The following PCCB variants were observed in gnomAD, a reference collection of about 807,000 sequenced individuals.
PCCB encodes propionyl-CoA carboxylase beta chain, mitochondrial.
PCCB carries 43 observed loss-of-function variants against 60.7 expected under a neutral mutation model. The ratio of observed to expected loss-of-function variants is 0.71; its 90% CI spans 0.55 to 0.91. The LOEUF is 0.91. Among genes scored for constraint, PCCB ranks in the 40% least tolerant of loss-of-function variants. PCCB has a pLI of 0.00. For synonymous variants in PCCB, 276 were observed against 255.9 expected (o/e 1.08, Z -0.75); for missense variants, 766 against 702.8 (o/e 1.09, Z -1.02).
At chr3:136,300,469 C>T (rs376236317) in intron 8 of PCCB, among the ~76,000 whole-genome samples, 1 of 152,196 alleles carries the variant, frequency 6.6e-6, no homozygotes, top group Non-Finnish European at 1.5e-5. Flanking sequence ...TGCTGAGACA[C>T]TTGGATGCAG....
chr3:136,295,155 C>T (rs920344090), intron 7 of PCCB, among the ~76,000 whole-genome samples: 1 of 152,178 alleles, frequency 6.6e-6, no homozygotes, highest in Admixed American at 6.5e-5. Flanking sequence ...AGCAATGTAA[C>T]TAAAGACAGG....
In PCCB at chr3:136,327,312, G is replaced by T. The variant is rs1935358437; in HGVS notation, c.1299+57G>T. 6 of 1,357,056 alleles carry T rather than the reference G, an allele frequency of 4.4e-6. No homozygotes were observed. The East Asian group carries it at 1.4e-4, about 31-fold the overall frequency. The allele number at this position is 1,357,056 out of a possible 1,614,324, so 84.1% of individuals were successfully genotyped here. On this transcript the variant is annotated intron_variant, in intron 12 of 14. Transcript: ENST00000251654. ...GCTCACTTTCCTACAGCATAGCCGT[G>T]GTGGGAGGTCTGGCAGAGTTTTACC...
rs1933528283 is a variant in PCCB at position 136,288,515 on chromosome 3, T to C, written c.654+4568T>C. ...CACACACTGCCATGCCTGCCTAATT[T>C]TTTTTTTTTATTTTGGTAGAGAACT... On this transcript the variant is annotated intron_variant, in intron 6 of 14. Transcript: ENST00000251654. Among the ~76,000 whole-genome samples the C allele has an allele frequency of 2.0e-5, 3 of 151,692 alleles. No homozygotes were observed. In the South Asian group the frequency reaches 6.2e-4, roughly 32 times the overall value.
At chr3:136,263,271 T>TTTA (rs1186429652) in intron 5 of PCCB, among the ~76,000 whole-genome samples, 16 of 145,868 alleles carry the variant, frequency 1.1e-4, no homozygotes, top group South Asian at 2.2e-4. Context: ...TTTTTTTTTT[T>TTTA]AATATTTATT....
At chr3:136,260,126 T>A (rs1415445221) in intron 3 of PCCB, 1 of 390,546 alleles carries the variant, frequency 2.6e-6, no homozygotes, top group Non-Finnish European at 4.8e-6. Context: ...TAGGCTGGAA[T>A]ACAGTGGTGC....
At chr3:136,300,025 C>T (rs943449941) in intron 8 of PCCB, among the ~76,000 whole-genome samples, 3 of 151,762 alleles carry the variant, frequency 2.0e-5, no homozygotes, top group Non-Finnish European at 2.9e-5. Flanking sequence ...TGTGTACACG[C>T]CCACACATGC....
intron 5 of PCCB, among the ~76,000 whole-genome samples, chr3:136,275,393 CT>C (rs1942311360): frequency 6.6e-6 from 1 of 151,686 alleles, no homozygotes; most frequent in Non-Finnish European, 1.5e-5. Flanking sequence ...CCTTGAGTAG[CT>C]TAATAATCAA....
chr3:136,311,063 A>G (rs554398464), intron 9 of PCCB, among the ~76,000 whole-genome samples: 1 of 152,300 alleles, frequency 6.6e-6, no homozygotes, highest in African/African-American at 2.4e-5. Flanking sequence ...TTCTGGAAAT[A>G]TTAACCAATA....
At chr3:136,268,268 T>G (rs1942090417) in intron 5 of PCCB, among the ~76,000 whole-genome samples, 1 of 151,256 alleles carries the variant, frequency 6.6e-6, no homozygotes, top group Admixed American at 6.6e-5. Flanking sequence ...CTCCCACCAT[T>G]AATTGACATA....
At chr3:136,266,657 C>CA (rs1941991384) in intron 5 of PCCB, among the ~76,000 whole-genome samples, 5 of 152,198 alleles carry the variant, frequency 3.3e-5, no homozygotes, top group African/African-American at 1.2e-4. Context: ...TTGCATTTCT[C>CA]AGATGACTAA....
At chr3:136,288,283 ACT>A (rs1252048794) in intron 6 of PCCB, among the ~76,000 whole-genome samples, 1 of 151,986 alleles carries the variant, frequency 6.6e-6, no homozygotes. Flanking sequence ...GTTTATTGAT[ACT>A]GTTTTTCTTT....
At chr3:136,255,345 A>G in intron 1 of PCCB, 1 of 200,302 alleles carries the variant, frequency 5.0e-6, no homozygotes, top group Non-Finnish European at 1.0e-5. Context: ...AAGCCCACAG[A>G]GGAGGCAGGA....
chr3:136,278,507 C>A (rs1942391690), intron 5 of PCCB, among the ~76,000 whole-genome samples: 2 of 152,114 alleles, frequency 1.3e-5, no homozygotes, highest in Admixed American at 1.3e-4. Context: ...AAAACCAAAA[C>A]CTCTCAAAGT....
intron 5 of PCCB, among the ~76,000 whole-genome samples, chr3:136,273,578 C>CTTTTTT (rs56936911): frequency 6.8e-5 from 4 of 59,202 alleles, no homozygotes; most frequent in Admixed American, 3.4e-4. Context: ...CTTTTTCTTT[C>CTTTTTT]TTTTTTTTTT....
Position 136,255,923 on chromosome 3 carries a change from T to A in PCCB, c.251T>A (p.Met84Lys), listed in dbSNP as rs756396866. The A allele has an allele frequency of 6.2e-7, 1 of 1,614,204 alleles. No individual in the cohort carries two copies. Among genetic ancestry groups the A allele is most frequent in the East Asian group, 2.2e-5 (1 of 44,888 alleles). Residue 84 changes from methionine to lysine, a missense_variant, in exon 2 of 15, where the codon ATG becomes AAG. Met to Lys is a moderately conservative substitution (Grantham distance 95). Transcript: ENST00000251654. ...LDPGSFVESDMFVEHRCADFG... is the reference protein window; with the variant it reads ...LDPGSFVESDKFVEHRCADFG... The stretch of plus-strand genomic sequence containing the variant: ...CCTGGCAGCTTTGTTGAGAGCGACA[T>A]GTTTGTGGAACACAGATGTGCAGAT...
chr3:136,293,676 C>T, intron 6 of PCCB, 80 bp from the exon 7 acceptor site: 1 of 880,832 alleles, frequency 1.1e-6, no homozygotes, highest in Non-Finnish European at 1.9e-6. Flanking sequence ...CTGCATTTGT[C>T]ATCTTGGCTG....
intron 9 of PCCB, among the ~76,000 whole-genome samples, chr3:136,314,784 G>A (rs531323799): frequency 1.3e-5 from 2 of 152,318 alleles, no homozygotes; most frequent in South Asian, 2.1e-4. Context: ...CCTAGTGGAT[G>A]AAGAACTAGA....
At chr3:136,318,121 G>A (rs1296482922) in intron 10 of PCCB, among the ~76,000 whole-genome samples, 1 of 152,152 alleles carries the variant, frequency 6.6e-6, no homozygotes, top group East Asian at 1.9e-4. Context: ...GGTGGATCAC[G>A]AGGTCTGGAG....
rs1935378264 is a variant in PCCB at position 136,327,732 on chromosome 3, G to A, written c.1398G>A (p.Lys466=). The change falls in exon 13 of 15, where the codon AAG becomes AAA. Residue 466 remains lysine, a splice_region_variant and synonymous_variant. Coordinates refer to ENST00000251654, the MANE Select transcript of PCCB (RefSeq NM_000532.5). ...PTAEIAVMGA[K]GAVEIIFKGH... is the part of the protein sequence containing the mutation. ...CAGAGATTGCAGTCATGGGAGCAAA[G>A]GTGAGGGCCTCTTGCTTTTCCCTTT... 1 of 1,610,480 alleles carries A rather than the reference G, an allele frequency of 6.2e-7. No homozygotes were observed.
Sources: allele counts gnomAD v4.1 joint callset (sites outside exome capture counted in the v4.1 genomes callset), GRCh38; gene constraint gnomAD v4.1.1; transcripts MANE v1.5; gene names NCBI Gene and HGNC (gene_info 2026-07-23, HGNC 2026-07-21).